Variants in MYCBP2 observed in about 807,000 individuals in gnomAD.
MYCBP2 encodes E3 ubiquitin-protein ligase MYCBP2.
A neutral mutation model predicts 525.3 loss-of-function variants in MYCBP2; 120 were observed. That is an observed-to-expected ratio of 0.23 (90% CI 0.20 to 0.27). The LOEUF (loss-of-function observed/expected upper bound fraction) is 0.27. Among genes scored for constraint, MYCBP2 ranks in the 10% least tolerant of loss-of-function variants. The probability of loss-of-function intolerance (pLI) is 1.00; values close to 1 mark genes in which losing one functional copy is unlikely to be tolerated. For synonymous variants in MYCBP2, 1,894 were observed against 1,955.8 expected (o/e 0.97, Z 0.83); for missense variants, 4,149 against 5,657.1 (o/e 0.73, Z 8.55).
At chr13:77,283,285 T>A (rs2154354573) in intron 3 of MYCBP2, among the ~76,000 whole-genome samples, 1 of 152,310 alleles carries the variant, frequency 6.6e-6, no homozygotes, top group African/African-American at 2.4e-5. Context: ...GCTCTCTCTC[T>A]CTTGCTCTAT....
At chr13:77,154,773 A>G (rs1203191771) in intron 46 of MYCBP2, among the ~76,000 whole-genome samples, 2 of 152,100 alleles carry the variant, frequency 1.3e-5, no homozygotes, top group African/African-American at 4.8e-5. Context: ...GTCCTTGAGT[A>G]GTAATTTTTT....
intron 50 of MYCBP2, 85 bp downstream of exon 50, chr13:77,140,761 G>T: frequency 1.1e-6 from 1 of 923,576 alleles, no homozygotes; most frequent in South Asian, 1.5e-5. Flanking sequence ...CAAGTAAAAT[G>T]TTAGATGTTT....
At chr13:77,220,912 C>T (rs2065457033) in intron 20 of MYCBP2, among the ~76,000 whole-genome samples, 1 of 152,180 alleles carries the variant, frequency 6.6e-6, no homozygotes, top group African/African-American at 2.4e-5. Flanking sequence ...GCTCTGCCCA[C>T]ACTTCATGTA....
At chr13:77,250,743 CTATA>C (rs1417118702) in intron 15 of MYCBP2, among the ~76,000 whole-genome samples, 2 of 152,050 alleles carry the variant, frequency 1.3e-5, no homozygotes, top group Non-Finnish European at 2.9e-5. Flanking sequence ...TAAAACAAAA[CTATA>C]TATCTAATCA....
intron 13 of MYCBP2, 26 bp downstream of exon 13, chr13:77,260,402 A>G: frequency 6.6e-7 from 1 of 1,514,728 alleles, no homozygotes; most frequent in Non-Finnish European, 8.8e-7. Flanking sequence ...TTCTTTGCAT[A>G]AAAGTAAAAC....
chr13:77,151,008 A>C lies in MYCBP2; in HGVS notation c.6916-59T>G, dbSNP rs555995985. On this transcript the variant is annotated intron_variant, in intron 46 of 82. Transcript: ENST00000544440. Reference sequence around the variant, plus strand: ...ATTATTTAATTGTCACTGACATCAAAATAAGCAACTTACTATTATAAACTC... The same window carrying C: ...ATTATTTAATTGTCACTGACATCAACATAAGCAACTTACTATTATAAACTC... 309 of 1,356,340 alleles carry C rather than the reference A, an allele frequency of 2.3e-4. 1 individual carries two copies. The highest frequency in any genetic ancestry group is 3.2e-4 in the Non-Finnish European group (301 of 954,946). 84.0% of individuals were successfully genotyped at this position (1,356,340 alleles called of 1,614,324 possible).
Position 77,060,679 on chromosome 13 carries a change from T to C in MYCBP2, c.13036+490A>G, listed in dbSNP as rs2039117844. Among the ~76,000 whole-genome samples the C allele has an allele frequency of 2.0e-5, 3 of 152,218 alleles. No individual in the cohort carries two copies. The South Asian group carries it at 6.2e-4, about 31-fold the overall frequency. On this transcript the variant is annotated intron_variant, in intron 76 of 82. Transcript: ENST00000544440. ...CTATTCATTTTTGTTAATTATTTTA[T>C]TGCTATCAATGGAAACAGTACCATT...
chr13:77,117,977 A>G (rs1021474696), intron 55 of MYCBP2, among the ~76,000 whole-genome samples: 2 of 152,180 alleles, frequency 1.3e-5, no homozygotes, highest in Non-Finnish European at 2.9e-5. Flanking sequence ...ATAGATACCA[A>G]ATTCACTTAG....
chr13:77,129,217 G>A (rs1024394239), intron 52 of MYCBP2: 3 of 397,672 alleles, frequency 7.5e-6, no homozygotes, highest in African/African-American at 2.1e-5. Flanking sequence ...TCCTTGGCTA[G>A]CATTAAAGAT....
At chr13:77,067,537 T>C in intron 71 of MYCBP2, 44 bp downstream of exon 71, 1 of 1,579,184 alleles carries the variant, frequency 6.3e-7, no homozygotes, top group Non-Finnish European at 8.7e-7. Flanking sequence ...GAACAGTAGC[T>C]CACTCTATTC....
intron 52 of MYCBP2, chr13:77,129,357 A>C: frequency 2.6e-6 from 1 of 386,734 alleles, no homozygotes; most frequent in African/African-American, 2.1e-5. Context: ...ATATTATTTT[A>C]CTAAAGAGAA....
chr13:77,246,184 AG>A (rs2069900282), intron 15 of MYCBP2, among the ~76,000 whole-genome samples: 1 of 152,210 alleles, frequency 6.6e-6, no homozygotes, highest in Non-Finnish European at 1.5e-5. Context: ...AAGGTACAAA[AG>A]GAAGAACATA....
At chr13:77,095,147 A>G (rs1048924453) in intron 58 of MYCBP2, among the ~76,000 whole-genome samples, 1 of 152,160 alleles carries the variant, frequency 6.6e-6, no homozygotes, top group Non-Finnish European at 1.5e-5. Context: ...TACAATGCAA[A>G]TTGATGAAGC....
intron 13 of MYCBP2, among the ~76,000 whole-genome samples, chr13:77,258,860 T>A (rs2072717006): frequency 6.6e-6 from 1 of 152,182 alleles, no homozygotes; most frequent in African/African-American, 2.4e-5. Context: ...GCTATCATTA[T>A]CTATTTTTTG....
In MYCBP2 at chr13:77,270,008, C is replaced by G; in HGVS notation, c.1244G>C (p.Trp415Ser). Residue 415 changes from tryptophan (W) to serine (S), a missense_variant, in exon 7 of 83, where the codon TGG (tryptophan) becomes TCG (serine). Coordinates refer to ENST00000544440, the MANE Select transcript of MYCBP2 (RefSeq NM_015057.5). ...GTTTCTTACCTGAGCATACCCTAAC[C>G]AAGACTTTTTTTCTTTTCTGTTTCT... ...RIRNRKEKKS[W>S]LGYAQGYLLY... is the part of the protein sequence containing the mutation. 1 of 1,611,730 alleles carries G rather than the reference C, an allele frequency of 6.2e-7. No homozygotes were observed.
At chr13:77,222,870 T>C (rs1244538924) in intron 20 of MYCBP2, among the ~76,000 whole-genome samples, 1 of 152,184 alleles carries the variant, frequency 6.6e-6, no homozygotes, top group Non-Finnish European at 1.5e-5. Context: ...TGAAGGTAAG[T>C]TCTCTTTCTT....
Position 77,181,853 on chromosome 13 carries a change from G to A in MYCBP2, c.4789C>T (p.His1597Tyr). Residue 1597 changes from histidine to tyrosine, a missense_variant, in exon 33 of 83, where the codon CAC (histidine) becomes TAC (tyrosine). His to Tyr is a moderately conservative substitution (Grantham distance 83, BLOSUM62 2). Coordinates refer to ENST00000544440, the MANE Select transcript of MYCBP2 (RefSeq NM_015057.5). ...LLAAVMSALC[H>Y]TSVKLTSIFP... is the part of the protein sequence containing the mutation. The stretch of plus-strand genomic sequence containing the variant: ...ATGGAAGTCAGCTTAACAGACGTGT[G>A]ACACAGAGCTGACATAACAGCTGCA... 6.2e-7 allele frequency: 1 copy of A among 1,614,042 alleles called. No individual in the cohort carries two copies. Among genetic ancestry groups the A allele is most frequent in the Non-Finnish European group, 8.5e-7 (1 of 1,180,012 alleles).
intron 32 of MYCBP2, 21 bp downstream of exon 32, chr13:77,185,082 C>A (rs2060603171): frequency 6.2e-7 from 1 of 1,603,638 alleles, no homozygotes; most frequent in Non-Finnish European, 8.5e-7. Flanking sequence ...TTTCAACTAA[C>A]ATTTTACAAA....
rs1309460969 is a variant in MYCBP2, at chr13:77,165,306, T to G, written c.6426A>C (p.Ala2142=). 1.2e-6 allele frequency: 2 copies of G among 1,611,808 alleles called. No individual in the cohort carries two copies. The highest frequency in any genetic ancestry group is 2.7e-5 in the African/African-American group (2 of 74,776). ...KASFYGFKCF[A]IGYEFSPGPD... ...GTCCAGGGCTAAATTCATATCCAAT[T>G]GCAAAACACTTAAAACCATAGAAAG... Residue 2142 remains alanine (A), a synonymous_variant, in exon 42 of 83, where the codon GCA becomes GCC. Transcript: ENST00000544440.
Sources: gnomAD v4.1 joint callset for allele counts (sites outside exome capture counted in the v4.1 genomes callset) on GRCh38, gnomAD v4.1.1 for gene constraint, MANE v1.5 for transcripts, NCBI Gene and HGNC (gene_info 2026-07-23, HGNC 2026-07-21) for gene names.